Variants in GHR observed in about 807,000 individuals in gnomAD.
GHR encodes GH receptor.
GHR carries 35 observed loss-of-function variants against 67.1 expected under a neutral mutation model. The ratio of observed to expected loss-of-function variants is 0.52; its 90% CI spans 0.40 to 0.69. GHR has a LOEUF of 0.69. GHR is among the 30% of genes least tolerant of loss of function. The probability of loss-of-function intolerance (pLI) is 0.00; values close to 1 mark genes in which losing one functional copy is unlikely to be tolerated. For synonymous variants in GHR, 272 were observed against 269.1 expected, an observed-to-expected ratio of 1.01 and a Z score of -0.10; for missense variants, 792 against 764.6, an observed-to-expected ratio of 1.04 and a Z score of -0.42.
chr5:42,603,944 C>T (rs982893510), intron 2 of GHR, among the ~76,000 whole-genome samples: 1 of 152,214 alleles, frequency 6.6e-6, no homozygotes, highest in Non-Finnish European at 1.5e-5. Flanking sequence ...TGGCTATAAA[C>T]TGAGGTTCCC....
intron 1 of GHR, chr5:42,468,334 C>G (rs756211702): frequency 2.0e-5 from 31 of 1,557,810 alleles, no homozygotes; most frequent in South Asian, 6.9e-5. Context: ...CTTCTCTGCT[C>G]AGCAGGGGAA....
chr5:42,565,990 A>G (rs1199924598), intron 2 of GHR, 46 bp downstream of exon 2: 3 of 1,606,512 alleles, frequency 1.9e-6, no homozygotes, highest in Admixed American at 3.3e-5. Context: ...TTGAAACAAC[A>G]CTGAACTGTA....
At chr5:42,512,981 TA>T (rs954125512) in intron 1 of GHR, among the ~76,000 whole-genome samples, 8 of 152,148 alleles carry the variant, frequency 5.3e-5, no homozygotes, top group Non-Finnish European at 8.8e-5. Context: ...CTCTGGGGGA[TA>T]TTTTTTTAAA....
At chr5:42,684,338 C>G (rs1757033060) in intron 3 of GHR, among the ~76,000 whole-genome samples, 1 of 152,198 alleles carries the variant, frequency 6.6e-6, no homozygotes, top group Non-Finnish European at 1.5e-5. Flanking sequence ...AATTTCTAAT[C>G]TAGTGCATTT....
chr5:42,611,663 T>C (rs930299597), intron 2 of GHR, among the ~76,000 whole-genome samples: 1 of 152,108 alleles, frequency 6.6e-6, no homozygotes, highest in Non-Finnish European at 1.5e-5. Context: ...GTGTCAAAAG[T>C]AAACAAAGAG....
At chr5:42,591,720 C>A (rs899795272) in intron 2 of GHR, among the ~76,000 whole-genome samples, 3 of 152,128 alleles carry the variant, frequency 2.0e-5, no homozygotes, top group South Asian at 2.1e-4. Flanking sequence ...CCCTCTGCAG[C>A]CCCCTTACCC....
chr5:42,450,601 T>TTTG (rs957285906), intron 1 of GHR, among the ~76,000 whole-genome samples: 8 of 152,210 alleles, frequency 5.3e-5, no homozygotes, highest in South Asian at 2.1e-4. Context: ...CTTTTGCATT[T>TTTG]TTGTTGTTGT....
chr5:42,695,866 C>T (rs1429126156), intron 5 of GHR, among the ~76,000 whole-genome samples: 1 of 152,094 alleles, frequency 6.6e-6, no homozygotes, highest in Non-Finnish European at 1.5e-5. Flanking sequence ...GTTGCTTCTC[C>T]CAAATGTATT....
At chr5:42,438,169 T>G (rs1307294137) in intron 1 of GHR, among the ~76,000 whole-genome samples, 1 of 152,200 alleles carries the variant, frequency 6.6e-6, no homozygotes, top group Non-Finnish European at 1.5e-5. Flanking sequence ...CTATACCAAG[T>G]CCTTTTTTAT....
At chr5:42,468,860 C>T in intron 1 of GHR, 2 of 912,210 alleles carry the variant, frequency 2.2e-6, no homozygotes, top group South Asian at 1.8e-5. Context: ...TGTAACTGCC[C>T]AGGCATGATG....
chr5:42,713,383 T>C, intron 7 of GHR, 46 bp from the exon 8 acceptor site: 1 of 852,518 alleles, frequency 1.2e-6, no homozygotes. Flanking sequence ...AAACTGTGCT[T>C]CAACTATTCG....
At chr5:42,476,185 G>C (rs1294280218) in intron 1 of GHR, among the ~76,000 whole-genome samples, 3 of 151,772 alleles carry the variant, frequency 2.0e-5, no homozygotes, top group Admixed American at 6.6e-5. Context: ...TTACAGGCGT[G>C]AGCCACCGCG....
intron 1 of GHR, among the ~76,000 whole-genome samples, chr5:42,478,429 T>G (rs988847013): frequency 1.3e-5 from 2 of 152,054 alleles, no homozygotes; most frequent in Non-Finnish European, 2.9e-5. Context: ...AGAAAGTCAT[T>G]GGTAGCTTGA....
chr5:42,701,432 A>G (rs1333265917), intron 6 of GHR, among the ~76,000 whole-genome samples: 1 of 152,106 alleles, frequency 6.6e-6, no homozygotes, highest in Non-Finnish European at 1.5e-5. Context: ...CTGCGTACTG[A>G]GGTATTGTAT....
At chr5:42,459,461 T>C (rs1406350142) in intron 1 of GHR, among the ~76,000 whole-genome samples, 4 of 152,056 alleles carry the variant, frequency 2.6e-5, no homozygotes, top group East Asian at 1.9e-4. Context: ...AAGCTAAACA[T>C]TGGGTACATA....
intron 2 of GHR, among the ~76,000 whole-genome samples, chr5:42,587,022 T>G (rs1300727002): frequency 6.2e-5 from 9 of 145,524 alleles, no homozygotes; most frequent in Non-Finnish European, 1.2e-4. Context: ...TAATACACAC[T>G]GAAAAAAAAA....
At chr5:42,561,737 T>C (rs1040881962) in intron 1 of GHR, among the ~76,000 whole-genome samples, 1 of 152,214 alleles carries the variant, frequency 6.6e-6, no homozygotes, top group Non-Finnish European at 1.5e-5. Context: ...AACCCCATTT[T>C]TTAATCCCTC....
At chr5:42,659,220 A>G (rs1020922266) in intron 3 of GHR, 5 of 152,234 alleles carry the variant, frequency 3.3e-5, no homozygotes, top group African/African-American at 9.6e-5. Context: ...ACTGGAGCTT[A>G]GAGAACTTAT....
intron 1 of GHR, among the ~76,000 whole-genome samples, chr5:42,478,894 TG>T (rs1235057338): frequency 4.6e-5 from 7 of 152,328 alleles, no homozygotes; most frequent in Admixed American, 3.3e-4. Context: ...CCTGCCTCAT[TG>T]CCCTGGCCAG....
Sources: gnomAD v4.1 joint callset for allele counts (sites outside exome capture counted in the v4.1 genomes callset) on GRCh38, gnomAD v4.1.1 for gene constraint, MANE v1.5 for transcripts, NCBI Gene and HGNC (gene_info 2026-07-23, HGNC 2026-07-21) for gene names.